RUVBL1: variants seen among roughly 807,000 people sequenced by gnomAD.
RUVBL1 encodes the protein ruvB-like 1.
Under a neutral mutation model 52.4 loss-of-function variants are expected in RUVBL1, and 4 were observed. That is an observed-to-expected ratio of 0.08 (90% CI 0.04 to 0.17). The LOEUF (loss-of-function observed/expected upper bound fraction) is 0.17, where lower values mean the gene tolerates loss of function less well. RUVBL1 is among the 10% of genes least tolerant of loss of function. The pLI, the probability that RUVBL1 is intolerant of heterozygous loss-of-function variation, is 1.00. For missense variants in RUVBL1, 298 were observed against 572.8 expected, an observed-to-expected ratio of 0.52 and a Z score of 4.90; for synonymous variants, 217 against 214.4, an observed-to-expected ratio of 1.01 and a Z score of -0.10.
At chr3:128,134,458 CA>C (rs55972505) in intron 1 of RUVBL1, among the ~76,000 whole-genome samples, 73,726 of 107,314 alleles carry the variant, frequency 0.69, 24,311 homozygotes, top group East Asian at 0.84. Context: ...GTGAAACTGT[CA>C]AAAAAAAAAA....
chr3:128,149,993 G>A (rs1274198995), intron 1 of RUVBL1, among the ~76,000 whole-genome samples: 1 of 152,218 alleles, frequency 6.6e-6, no homozygotes, highest in Non-Finnish European at 1.5e-5. Flanking sequence ...GTGCCACATG[G>A]CTTAGGTTGC....
intron 9 of RUVBL1, among the ~76,000 whole-genome samples, chr3:128,074,026 A>AGACT (rs1252623872): frequency 1.4e-5 from 2 of 140,226 alleles, no homozygotes; most frequent in Non-Finnish European, 3.2e-5. Flanking sequence ...AGTGACTAAT[A>AGACT]GACTACATCA....
intron 1 of RUVBL1, among the ~76,000 whole-genome samples, chr3:128,122,207 G>A (rs1208018911): frequency 6.6e-6 from 1 of 152,216 alleles, no homozygotes; most frequent in Non-Finnish European, 1.5e-5. Flanking sequence ...TTCCTCACTT[G>A]AACAGAGTTC....
downstream of RUVBL1, among the ~76,000 whole-genome samples, chr3:128,077,202 G>A (rs959327943): frequency 3.3e-5 from 5 of 152,130 alleles, no homozygotes; most frequent in African/African-American, 1.2e-4. Flanking sequence ...GCCGCCAAGT[G>A]ACGGGAGGGG....
chr3:128,075,990 G>T (rs945464620), downstream of RUVBL1: 2 of 152,524 alleles, frequency 1.3e-5, no homozygotes, highest in African/African-American at 4.8e-5. Flanking sequence ...CTCGCGCCCG[G>T]CTGTCCCTGC....
At chr3:128,108,669 A>G (rs2107701157) in intron 3 of RUVBL1, among the ~76,000 whole-genome samples, 1 of 151,764 alleles carries the variant, frequency 6.6e-6, no homozygotes, top group South Asian at 2.1e-4. Context: ...GTACTCCAGC[A>G]TGGGCGACAG....
intron 3 of RUVBL1, among the ~76,000 whole-genome samples, chr3:128,107,121 G>A (rs970066222): frequency 5.3e-5 from 8 of 152,194 alleles, no homozygotes. Flanking sequence ...GATGGCCTAA[G>A]TTTACGAAAT....
intron 8 of RUVBL1, among the ~76,000 whole-genome samples, chr3:128,093,154 T>C (rs1942885323): frequency 6.6e-6 from 1 of 152,258 alleles, no homozygotes; most frequent in Non-Finnish European, 1.5e-5. Context: ...ATATTCCATA[T>C]AATAGAATAC....
At chr3:128,109,982 A>AT (rs1360182591) in intron 3 of RUVBL1, among the ~76,000 whole-genome samples, 1 of 151,634 alleles carries the variant, frequency 6.6e-6, no homozygotes, top group African/African-American at 2.4e-5. Flanking sequence ...TGCCCCGCTA[A>AT]TTTTTTGTAT....
At chr3:128,122,804 G>C (rs1943680483) in intron 1 of RUVBL1, among the ~76,000 whole-genome samples, 1 of 152,220 alleles carries the variant, frequency 6.6e-6, no homozygotes, top group Non-Finnish European at 1.5e-5. Context: ...AGAAATACAC[G>C]TGGGTGCAAA....
At chr3:128,092,433 T>C (rs1450516596) in intron 8 of RUVBL1, among the ~76,000 whole-genome samples, 1 of 151,858 alleles carries the variant, frequency 6.6e-6, no homozygotes, top group Non-Finnish European at 1.5e-5. Context: ...AAGAATAGGA[T>C]ATTTATAAAT....
At position 128,067,796 on chromosome 3, in the gene RUVBL1, A is replaced by T. The variant is rs1942029247; in HGVS notation, c.940-2576T>A. 1 of 672,890 alleles carries T rather than the reference A, an allele frequency of 1.5e-6. No individual in the cohort carries two copies. The highest frequency in any genetic ancestry group is 1.8e-5 in the African/African-American group (1 of 55,478). The allele number at this position is 672,890 out of a possible 1,614,324, so 41.7% of individuals were successfully genotyped here. On this transcript the variant is annotated intron_variant, in intron 9 of 9. Transcript: ENST00000464873. This position sits in a 1 kb window ranked among gnomAD's most constrained non-coding sequence, Gnocchi z 4.1. ...GTCCAGCAGTAGATCAGCTGTGGGT[A>T]TGAGAATCTGAATCCACACTGTAAA... is the stretch of plus-strand genomic sequence containing the variant.
chr3:128,084,588 C>T (rs866285028), intron 9 of RUVBL1: 1 of 152,202 alleles, frequency 6.6e-6, no homozygotes, highest in African/African-American at 2.4e-5. Context: ...GTCAGGGACA[C>T]TCTGCTCTCT....
In RUVBL1 at chr3:128,119,294, T is replaced by C. The variant is rs896581081; in HGVS notation, c.228+34A>G. 3.9e-6 allele frequency: 6 copies of C among 1,554,992 alleles called. No individual in the cohort carries two copies. The African/African-American group carries it at 5.4e-5, about 14-fold the overall frequency. Reference sequence around the variant, plus strand: ...GGCTTAGACACTAGGATCATTCTCCTGGGTAGATTTAAAAAATGAGAGAAA... The same window carrying C: ...GGCTTAGACACTAGGATCATTCTCCCGGGTAGATTTAAAAAATGAGAGAAA... On this transcript the variant is annotated intron_variant, in intron 2 of 10. Transcript: ENST00000322623.
downstream of RUVBL1, among the ~76,000 whole-genome samples, chr3:128,077,293 G>T (rs1467237283): frequency 6.6e-6 from 1 of 151,934 alleles, no homozygotes; most frequent in Non-Finnish European, 1.5e-5. Context: ...TGCGTGGCCC[G>T]CCCTGCACCC....
chr3:128,123,771 G>A lies in RUVBL1; in HGVS notation c.-47C>T, dbSNP rs765459412. 2 of 1,545,590 alleles carry A rather than the reference G, an allele frequency of 1.3e-6. No individual in the cohort carries two copies. The highest frequency in any genetic ancestry group is 1.8e-6 in the Non-Finnish European group (2 of 1,137,860). On this transcript the variant is annotated 5_prime_UTR_variant, in exon 1 of 11. Transcript: ENST00000322623. The stretch of plus-strand genomic sequence containing the variant: ...AACCAGCGTGGAAAACCAGCAGCTA[G>A]GACAGTGCGCCCGGCGCCTGAGTTA...
chr3:128,121,526 A>G (rs1943647573), intron 1 of RUVBL1, among the ~76,000 whole-genome samples: 1 of 151,462 alleles, frequency 6.6e-6, no homozygotes, highest in Non-Finnish European at 1.5e-5. Flanking sequence ...CCTGGTCAAC[A>G]TGGTGAAACC....
At position 128,100,286 on chromosome 3, in the gene RUVBL1, T is replaced by C. The variant is rs556072859; in HGVS notation, c.753+309A>G. On this transcript the variant is annotated intron_variant, in intron 6 of 10. Transcript: ENST00000322623. ...ATAGAACACTCCTGCCCTCCTGCCA[T>C]TAACACCCAGAAAATCCCAGGTGTG... is the stretch of plus-strand genomic sequence containing the variant. 9.9e-5 allele frequency among the ~76,000 whole-genome samples: 15 copies of C among 152,278 alleles called. No homozygotes were observed. The East Asian group carries it at 2.7e-3, about 27-fold the overall frequency.
At position 128,140,663 on chromosome 3, in the gene RUVBL1, T is replaced by G. The variant is rs570157622; in HGVS notation, c.-40+12540A>C. On this transcript the variant is annotated intron_variant, in intron 1 of 9. Coordinates refer to the RUVBL1 transcript ENST00000464873. The stretch of plus-strand genomic sequence containing the variant: ...CTTCCTCATACCGTCATGTGTCCCA[T>G]AGCAACATTTTGGTCAATGACAGAC... Among the ~76,000 whole-genome samples the G allele has an allele frequency of 3.9e-5, 6 of 152,268 alleles. No homozygotes were observed. In the South Asian group the frequency reaches 1.2e-3, roughly 32 times the overall value.
Sources: gnomAD v4.1 joint callset for allele counts (sites outside exome capture counted in the v4.1 genomes callset) on GRCh38, gnomAD v4.1.1 for gene constraint, Gnocchi (gnomAD v3.1) non-coding constraint, MANE v1.5 for transcripts, NCBI Gene and HGNC (gene_info 2026-07-23, HGNC 2026-07-21) for gene names.